VWF: variants seen among roughly 807,000 people sequenced by gnomAD.
The protein encoded by VWF is Factor VIII related antigen.
A neutral mutation model predicts 308.6 loss-of-function variants in VWF; 176 were observed. The ratio of observed to expected loss-of-function variants is 0.57; its 90% CI spans 0.50 to 0.65. VWF has a LOEUF of 0.65. Ranked by LOEUF, VWF falls within the 30% of genes least tolerant of loss-of-function variation. The pLI is 0.00. For missense variants in VWF, 3,146 were observed against 3,648.2 expected (o/e 0.86, Z 3.55); for synonymous variants, 1,385 against 1,443.4 (o/e 0.96, Z 0.92).
chr12:6,101,229 G>A (rs1241077500), intron 5 of VWF, among the ~76,000 whole-genome samples: 1 of 152,196 alleles, frequency 6.6e-6, no homozygotes, highest in East Asian at 1.9e-4. Flanking sequence ...CCCTTCTCCA[G>A]GAAAAAAGCA....
Position 6,052,748 on chromosome 12 carries a change from A to C in VWF, c.1981T>G (p.Cys661Gly), listed in dbSNP as rs1401763967. 1.2e-6 allele frequency: 2 copies of C among 1,613,884 alleles called. No individual in the cohort carries two copies. The highest frequency in any genetic ancestry group is 3.3e-5 in the Admixed American group (2 of 60,004). ...NCPKGQVYLQCGTPCNLTCRS... is the reference protein window; with the variant it reads ...NCPKGQVYLQGGTPCNLTCRS... ...CAGGTCAGGTTGCAGGGGGTCCCGC[A>C]CTGCAGGTACACCTGGCCTTTCGGG... Residue 661 changes from cysteine (C) to glycine (G), a missense_variant, in exon 16 of 52, where the codon TGC becomes GGC. Cys to Gly is a radical substitution (Grantham distance 159). This residue lies in a region of VWF where 1,304 missense variants were observed against 1,353.0 expected (regional missense o/e 0.96). Coordinates refer to ENST00000261405, the MANE Select transcript of VWF (RefSeq NM_000552.5).
At chr12:5,979,934 G>T (rs1243810283) in intron 42 of VWF, among the ~76,000 whole-genome samples, 6 of 148,690 alleles carry the variant, frequency 4.0e-5, no homozygotes, top group Admixed American at 4.0e-4. Context: ...CCAGCTACTC[G>T]GGAGGCTGAG....
At chr12:5,981,156 A>G (rs557511112) in intron 42 of VWF, among the ~76,000 whole-genome samples, 1 of 152,364 alleles carries the variant, frequency 6.6e-6, no homozygotes, top group South Asian at 2.1e-4. Flanking sequence ...CTTAGTAAAT[A>G]TTGGATGGGC....
At chr12:6,043,644 A>G (rs780353861) in intron 18 of VWF, among the ~76,000 whole-genome samples, 6 of 152,252 alleles carry the variant, frequency 3.9e-5, no homozygotes, top group Non-Finnish European at 4.4e-5. Context: ...CATTGCCACC[A>G]GCAGCAGAAC....
At chr12:6,017,993 G>C (rs532525251) in intron 28 of VWF, among the ~76,000 whole-genome samples, 88 of 151,908 alleles carry the variant, frequency 5.8e-4, no homozygotes, top group Admixed American at 1.2e-3. Context: ...ACCTTTAACA[G>C]AGGTTACCTT....
chr12:6,009,270 T>A (rs1222575798), intron 34 of VWF, among the ~76,000 whole-genome samples: 1 of 150,920 alleles, frequency 6.6e-6, no homozygotes, highest in East Asian at 1.9e-4. Context: ...TAACCCAATT[T>A]AAAAATGAGC....
At chr12:6,038,399 C>T (rs1323231953) in intron 18 of VWF, among the ~76,000 whole-genome samples, 4 of 152,244 alleles carry the variant, frequency 2.6e-5, no homozygotes, top group African/African-American at 9.6e-5. Context: ...CCAGGCTCCC[C>T]TTACCTCAGC....
intron 34 of VWF, among the ~76,000 whole-genome samples, chr12:5,996,816 C>A (rs1367425659): frequency 1.3e-5 from 2 of 150,208 alleles, no homozygotes; most frequent in Non-Finnish European, 3.0e-5. Context: ...GAGTCATTCA[C>A]ATAATTGGCA....
At chr12:6,004,060 A>G (rs1468434463) in intron 34 of VWF, among the ~76,000 whole-genome samples, 1 of 152,032 alleles carries the variant, frequency 6.6e-6, no homozygotes, top group Non-Finnish European at 1.5e-5. Context: ...CTCATTCATG[A>G]TAATGTCACT....
rs1944020718 is a variant in VWF, at chr12:6,013,480, C to G, written c.5620+1G>C. The G allele has an allele frequency of 6.2e-7, 1 of 1,614,138 alleles. No individual in the cohort carries two copies. Among genetic ancestry groups the G allele is most frequent in the African/African-American group, 1.3e-5 (1 of 75,026 alleles). On this transcript the variant is annotated splice_donor_variant, in intron 32 of 51. Coordinates refer to ENST00000261405, the MANE Select transcript of VWF (RefSeq NM_000552.5). LOFTEE classifies it high-confidence loss of function. The stretch of plus-strand genomic sequence containing the variant: ...AGTAAGAAAGGTATTATAAGACTCA[C>G]CAGAGCACAGTTTGTGGAGGAAGGA...
intron 6 of VWF, among the ~76,000 whole-genome samples, chr12:6,094,330 G>C (rs937973794): frequency 2.0e-5 from 3 of 152,194 alleles, no homozygotes; most frequent in Non-Finnish European, 4.4e-5. Context: ...ACTCCCTTCA[G>C]TGTCTGCAAC....
At position 6,019,025 on chromosome 12, in the gene VWF, G is replaced by A. The variant is rs764916576; in HGVS notation, c.4393C>T (p.Pro1465Ser). ...ATGTCGGGGGGCAGAGTAGGAGGAG[G>A]GGCTTCAGGGGCAAGGTCACAGAGG... is the stretch of plus-strand genomic sequence containing the variant. Reference protein sequence around the residue: ...SYLCDLAPEAPPPTLPPDMAQ... With the variant: ...SYLCDLAPEASPPTLPPDMAQ... Residue 1465 changes from proline to serine, a missense_variant, in exon 28 of 52, where the codon CCT becomes TCT. Transcript: ENST00000261405. The surrounding 1 kb of genome is among the most constrained non-coding windows in gnomAD (Gnocchi z 5.8). 6 of 1,613,902 alleles carry A rather than the reference G, an allele frequency of 3.7e-6. No individual in the cohort carries two copies. Among genetic ancestry groups the A allele is most frequent in the South Asian group, 2.2e-5 (2 of 91,058 alleles).
intron 16 of VWF, among the ~76,000 whole-genome samples, chr12:6,050,667 A>G (rs1310074828): frequency 6.6e-6 from 1 of 152,156 alleles, no homozygotes; most frequent in East Asian, 1.9e-4. Context: ...CCACCTCAAA[A>G]CAATCCTCCA....
chr12:6,048,412 C>T (rs1027778507), intron 16 of VWF, among the ~76,000 whole-genome samples: 29 of 152,078 alleles, frequency 1.9e-4, no homozygotes, highest in Admixed American at 9.8e-4. Flanking sequence ...GTGATCTACC[C>T]GCCTCAGCCT....
rs550360935 is a variant in VWF at position 6,020,996 on chromosome 12, G to C, written c.3674+904C>G. ...CTCTGTTTCAGCATAAAGAGTGTGC[G>C]CAGGTAGAGTCTTACTAGGAAGTTA... is the stretch of plus-strand genomic sequence containing the variant. On this transcript the variant is annotated intron_variant, in intron 27 of 51. Transcript: ENST00000261405. This position sits in a 1 kb window ranked among gnomAD's most constrained non-coding sequence, Gnocchi z 4.3. The C allele has an allele frequency of 6.6e-6, 1 of 152,172 alleles. No homozygotes were observed. Among genetic ancestry groups the C allele is most frequent in the African/African-American group, 2.4e-5 (1 of 41,398 alleles). The allele number at this position is 152,172 out of a possible 1,614,324, so 9.4% of individuals were successfully genotyped here.
intron 22 of VWF, among the ~76,000 whole-genome samples, chr12:6,027,271 G>A (rs904479210): frequency 1.3e-5 from 2 of 152,046 alleles, no homozygotes; most frequent in African/African-American, 2.4e-5. Context: ...CCACCTTAAG[G>A]CCTCGGCACG....
rs199546602 is a variant in VWF at position 5,994,179 on chromosome 12, T to C, written c.6281A>G (p.Asn2094Ser). The C allele has an allele frequency of 8.7e-6, 14 of 1,614,014 alleles. No homozygotes were observed. The African/African-American group carries it at 1.3e-4, about 15-fold the overall frequency. Residue 2094 changes from asparagine to serine, a missense_variant, in exon 37 of 52, where the codon AAT becomes AGT. Asn to Ser is a conservative substitution (Grantham distance 46). Transcript: ENST00000261405. ...LCGICDENGA[N>S]DFMLRDGTVT... ...TGTGCCATCCCTCAGCATGAAGTCA[T>C]TGGCTCCGTTCTCATCACAGATCCC...
intron 3 of VWF, among the ~76,000 whole-genome samples, chr12:6,116,609 C>T (rs989881410): frequency 2.0e-5 from 3 of 152,146 alleles, no homozygotes; most frequent in African/African-American, 4.8e-5. Context: ...ATCCTGCAGC[C>T]GTAGCTTAGG....
Position 6,016,251 on chromosome 12 carries a change from T to C in VWF, c.5312-19A>G. 2 of 1,614,184 alleles carry C rather than the reference T, an allele frequency of 1.2e-6. No individual in the cohort carries two copies. Among genetic ancestry groups the C allele is most frequent in the Middle Eastern group, 1.6e-4 (1 of 6,062 alleles). On this transcript the variant is annotated intron_variant, in intron 30 of 51. Transcript: ENST00000261405. ...GCATCCCCTGAGGATGGAGAACAGATCACGCCAAGTCAGTACTGACTGCGG... is the reference window on the plus strand; with the variant it reads ...GCATCCCCTGAGGATGGAGAACAGACCACGCCAAGTCAGTACTGACTGCGG...
Sources: allele counts gnomAD v4.1 joint callset (sites outside exome capture counted in the v4.1 genomes callset), GRCh38; gene constraint gnomAD v4.1.1; regional missense constraint gnomAD v4.1.1; non-coding constraint Gnocchi (gnomAD v3.1); transcripts MANE v1.5; gene names NCBI Gene and HGNC (gene_info 2026-07-23, HGNC 2026-07-21).